Variants in ABHD12 observed in about 807,000 individuals in gnomAD.
ABHD12 encodes abhydrolase domain containing 12, lysophospholipase, also known as lysophosphatidylserine lipase ABHD12.
A neutral mutation model predicts 58.3 loss-of-function variants in ABHD12; 43 were observed. That is an observed-to-expected ratio of 0.74 (90% confidence interval 0.58 to 0.95). ABHD12 has a LOEUF of 0.95. ABHD12 is among the 40% of genes least tolerant of loss of function. The probability of loss-of-function intolerance (pLI) is 0.00; values close to 1 mark genes in which losing one functional copy is unlikely to be tolerated. For synonymous variants in ABHD12, 219 were observed against 211.2 expected (o/e 1.04, Z -0.32); for missense variants, 539 against 537.2 (o/e 1.00, Z -0.03).
chr20:25,351,040 C>T (rs2089594361), intron 1 of ABHD12, among the ~76,000 whole-genome samples: 1 of 151,780 alleles, frequency 6.6e-6, no homozygotes, highest in South Asian at 2.1e-4. Context: ...AAACCTTCAC[C>T]TCTTCTTCAG....
At chr20:25,388,791 T>TCC (rs1555827346) in intron 1 of ABHD12, among the ~76,000 whole-genome samples, 1 of 119,922 alleles carries the variant, frequency 8.3e-6, no homozygotes, top group African/African-American at 4.8e-5. Flanking sequence ...TTTTTTCTTT[T>TCC]TTTTTTTTTT....
At chr20:25,296,724 TA>T, downstream of ABHD12, 1 of 697,946 alleles carries the variant, frequency 1.4e-6, no homozygotes, top group Non-Finnish European at 2.3e-6. Flanking sequence ...TAGTTTCTTG[TA>T]AAGGAAGCCA....
chr20:25,378,330 G>T (rs2089983817), intron 1 of ABHD12, among the ~76,000 whole-genome samples: 1 of 152,126 alleles, frequency 6.6e-6, no homozygotes, highest in Non-Finnish European at 1.5e-5. Flanking sequence ...CTATCTCCTT[G>T]TATCCCCAGG....
chr20:25,312,209 C>A (rs1407523090), intron 6 of ABHD12, among the ~76,000 whole-genome samples: 3 of 152,026 alleles, frequency 2.0e-5, no homozygotes, highest in African/African-American at 4.8e-5. Flanking sequence ...TCTCTTTCCA[C>A]GGTCTCTCTC....
At chr20:25,295,496 C>G, downstream of ABHD12, 1 of 1,319,268 alleles carries the variant, frequency 7.6e-7, no homozygotes, top group South Asian at 1.2e-5. Flanking sequence ...TCGCTCCAGA[C>G]AGGACCAGGT....
chr20:25,332,439 C>T (rs2089293331), intron 2 of ABHD12, among the ~76,000 whole-genome samples: 1 of 147,752 alleles, frequency 6.8e-6, no homozygotes, highest in Non-Finnish European at 1.5e-5. Context: ...TTGAACTCAG[C>T]TCTGCACCAA....
At chr20:25,372,669 C>T (rs551575374) in intron 1 of ABHD12, among the ~76,000 whole-genome samples, 3 of 152,290 alleles carry the variant, frequency 2.0e-5, no homozygotes, top group African/African-American at 7.2e-5. Context: ...AGCATTTCAG[C>T]CAACAGTGGA....
chr20:25,312,814 G>C (rs1349800702), intron 6 of ABHD12, among the ~76,000 whole-genome samples: 1 of 149,538 alleles, frequency 6.7e-6, no homozygotes, highest in African/African-American at 2.5e-5. Context: ...TGTGAGGAGC[G>C]CCTCTGCCCG....
Position 25,338,599 on chromosome 20 carries a change from G to GA in ABHD12, c.316+627dup, listed in dbSNP as rs2089410841. ...ATCTCCAAAAGTAAATACACAGCGT[G>GA]AAAAAACACACAAGGTCCAAGTTCA... On this transcript the variant is annotated intron_variant, in intron 2 of 12. Coordinates refer to ENST00000339157, the MANE Select transcript of ABHD12 (RefSeq NM_001042472.3). 2.0e-5 allele frequency among the ~76,000 whole-genome samples: 3 copies of GA among 151,972 alleles called. No individual in the cohort carries two copies. The South Asian group carries it at 6.2e-4, about 32-fold the overall frequency.
chr20:25,302,081 T>C (rs1358441126), intron 12 of ABHD12, 138 bp downstream of exon 12: 1 of 1,286,952 alleles, frequency 7.8e-7, no homozygotes, highest in Non-Finnish European at 1.1e-6. Flanking sequence ...GCCAAGGAAA[T>C]GGAAGGCTCC....
intron 5 of ABHD12, among the ~76,000 whole-genome samples, chr20:25,315,677 C>T (rs2088948091): frequency 6.6e-6 from 1 of 152,154 alleles, no homozygotes. Flanking sequence ...CAACCTGCTC[C>T]AGCCCTGTTG....
chr20:25,300,523 C>G lies in ABHD12; in HGVS notation c.*322G>C. The stretch of plus-strand genomic sequence containing the variant: ...CCAAGAGTCCCCTGCCCGGACTCCC[C>G]CTGTCCAGCTCAGTGCAGCATCAAG... On this transcript the variant is annotated 3_prime_UTR_variant, in exon 13 of 13. Transcript: ENST00000339157. 7.4e-7 allele frequency: 1 copy of G among 1,343,508 alleles called. No homozygotes were observed. The highest frequency in any genetic ancestry group is 9.6e-7 in the Non-Finnish European group (1 of 1,042,510). 83.2% of individuals were successfully genotyped at this position (1,343,508 alleles called of 1,614,324 possible).
rs1194027614 is a variant in ABHD12, at chr20:25,308,465, C to A, written c.779G>T (p.Cys260Phe). The change falls in exon 8 of 13, where the codon TGT (cysteine) becomes TTT (phenylalanine). Residue 260 changes from cysteine to phenylalanine, a missense_variant. Physicochemically the swap from Cys to Phe is radical, Grantham distance 205. Coordinates refer to ENST00000339157, the MANE Select transcript of ABHD12 (RefSeq NM_001042472.3). ...CCCAACAAGGCACTCACCTCGCTCA[C>A]AGAGGCGCCGCACCAGATTTGTCGC... is the stretch of plus-strand genomic sequence containing the variant. The part of the protein sequence containing the change: ...GVATNLVRRL[C>F]ERETPPDALI... 1.9e-6 allele frequency: 3 copies of A among 1,611,920 alleles called. No homozygotes were observed. The highest frequency in any genetic ancestry group is 2.5e-6 in the Non-Finnish European group (3 of 1,179,178).
intron 1 of ABHD12, among the ~76,000 whole-genome samples, chr20:25,374,839 G>GT (rs1242647510): frequency 1.3e-5 from 2 of 152,112 alleles, no homozygotes; most frequent in Non-Finnish European, 2.9e-5. Context: ...ACTAACGTGC[G>GT]TGTCAGTACT....
chr20:25,348,628 T>C (rs1568749438), intron 1 of ABHD12, among the ~76,000 whole-genome samples: 1 of 151,748 alleles, frequency 6.6e-6, no homozygotes, highest in Non-Finnish European at 1.5e-5. Flanking sequence ...CAAGGCTCCA[T>C]CTCAATAAAT....
At chr20:25,310,162 A>C (rs894357759) in intron 6 of ABHD12, 3 of 154,436 alleles carry the variant, frequency 1.9e-5, no homozygotes, top group Non-Finnish European at 2.9e-5. Context: ...TGGCGTGGTC[A>C]GATGAGCAGC....
intron 3 of ABHD12, among the ~76,000 whole-genome samples, 189 bp from the exon 4 acceptor site, chr20:25,320,507 G>T (rs1224512570): frequency 1.3e-5 from 2 of 152,218 alleles, no homozygotes; most frequent in Non-Finnish European, 2.9e-5. Flanking sequence ...CAATAACCAC[G>T]GAACTGCAGG....
chr20:25,339,437 A>C (rs1179637859), intron 1 of ABHD12, 86 bp from the exon 2 acceptor site: 1 of 1,591,914 alleles, frequency 6.3e-7, no homozygotes, highest in East Asian at 2.2e-5. Flanking sequence ...AAATCCCTAA[A>C]CAAGAGCCAC....
intron 2 of ABHD12, among the ~76,000 whole-genome samples, chr20:25,337,002 CT>C (rs2089382596): frequency 6.6e-6 from 1 of 152,236 alleles, no homozygotes; most frequent in Admixed American, 6.5e-5. Context: ...TGGCTCACGC[CT>C]GTAATCCCAG....
Sources: gnomAD v4.1 joint callset for allele counts (sites outside exome capture counted in the v4.1 genomes callset) on GRCh38, gnomAD v4.1.1 for gene constraint, MANE v1.5 for transcripts, NCBI Gene and HGNC (gene_info 2026-07-23, HGNC 2026-07-21) for gene names.